EMSY: variants seen among roughly 807,000 people sequenced by gnomAD.
EMSY encodes the protein BRCA2-interacting transcriptional repressor EMSY.
Under a neutral mutation model 134.6 loss-of-function variants are expected in EMSY, and 26 were observed. The observed-to-expected ratio is 0.19, with a 90% CI of 0.14 to 0.27. The LOEUF (loss-of-function observed/expected upper bound fraction) is 0.27, where lower values mean the gene tolerates loss of function less well. Among genes scored for constraint, EMSY ranks in the 10% least tolerant of loss-of-function variants. The pLI is 1.00. For synonymous variants in EMSY, 579 were observed against 577.8 expected (o/e 1.00, Z -0.03); for missense variants, 1,305 against 1,611.4 (o/e 0.81, Z 3.26).
intron 3 of EMSY, among the ~76,000 whole-genome samples, chr11:76,452,465 C>T (rs75564383): frequency 0.011 from 1,709 of 152,218 alleles, 32 homozygotes; most frequent in African/African-American, 0.039. Flanking sequence ...GTTATTAAGC[C>T]AAATTCTCAA....
At chr11:76,516,703 T>C (rs1440157416) in intron 11 of EMSY, 1 of 154,982 alleles carries the variant, frequency 6.5e-6, no homozygotes, top group East Asian at 1.9e-4. Context: ...AGAGATCAAA[T>C]TGACCTGTCC....
intron 9 of EMSY, among the ~76,000 whole-genome samples, chr11:76,510,622 C>T (rs1270848243): frequency 6.6e-6 from 1 of 152,172 alleles, no homozygotes; most frequent in Admixed American, 6.5e-5. Context: ...CTTCAGTATA[C>T]TCAGTGGTAC....
At chr11:76,445,745 A>G (rs1021807210) in intron 1 of EMSY, among the ~76,000 whole-genome samples, 1 of 152,010 alleles carries the variant, frequency 6.6e-6, no homozygotes, top group Non-Finnish European at 1.5e-5. Context: ...GCTCGGTTCG[A>G]GCAGTCGCCG....
At chr11:76,478,728 A>AT (rs1948862097) in intron 8 of EMSY, among the ~76,000 whole-genome samples, 1 of 151,480 alleles carries the variant, frequency 6.6e-6, no homozygotes, top group African/African-American at 2.4e-5. Flanking sequence ...CTTCGTTAAC[A>AT]TTTTTCTATA....
At chr11:76,459,825 T>G in intron 5 of EMSY, 108 bp from the exon 7 acceptor site, 1 of 1,317,460 alleles carries the variant, frequency 7.6e-7, no homozygotes, top group Non-Finnish European at 1.1e-6. Context: ...GCCTCTGACT[T>G]CTGATCACAT....
chr11:76,458,323 C>G (rs1274836722), exon 5 of EMSY: 1 of 1,613,508 alleles, frequency 6.2e-7, no homozygotes, highest in Non-Finnish European at 8.5e-7. Context: ...CATAATGCAT[C>G]TCTTCCAGTG....
chr11:76,519,224 T>C (rs1021130077), intron 11 of EMSY, among the ~76,000 whole-genome samples: 41 of 151,680 alleles, frequency 2.7e-4, no homozygotes, highest in African/African-American at 9.9e-4. Context: ...GCCACCACGC[T>C]CGGCTAATTT....
At chr11:76,510,975 T>C (rs1393428981) in intron 9 of EMSY, among the ~76,000 whole-genome samples, 1 of 152,216 alleles carries the variant, frequency 6.6e-6, no homozygotes, top group Non-Finnish European at 1.5e-5. Flanking sequence ...TTTTCATTTA[T>C]TATTTGCCCT....
chr11:76,484,102 A>G (rs1949087312), intron 8 of EMSY, among the ~76,000 whole-genome samples: 1 of 152,202 alleles, frequency 6.6e-6, no homozygotes, highest in African/African-American at 2.4e-5. Context: ...AACTCACTCA[A>G]ACCTGCACAA....
At chr11:76,463,701 C>T (rs1948232568) in intron 6 of EMSY, 120 bp from the exon 8 acceptor site, 1 of 1,025,622 alleles carries the variant, frequency 9.8e-7, no homozygotes, top group Non-Finnish European at 1.4e-6. Context: ...ATTGATAGAA[C>T]TTATTGGCTA....
chr11:76,518,421 G>A lies in EMSY; in HGVS notation c.1684+2109G>A, dbSNP rs1485189850. ...GAGTTGAAGCGATCTGCCCACCTTG[G>A]CCACCCAAAGTGCTGGGATTACAGG... On this transcript the variant is annotated intron_variant, in intron 11 of 20. Coordinates refer to ENST00000334736, the Ensembl canonical transcript of EMSY. Among the ~76,000 whole-genome samples, 5 of 151,208 alleles carry A rather than the reference G, an allele frequency of 3.3e-5. No individual in the cohort carries two copies. In the East Asian group the frequency reaches 9.7e-4, roughly 29 times the overall value.
At chr11:76,549,970 A>T (rs750608981) in exon 21 of EMSY, 1 of 1,611,682 alleles carries the variant, frequency 6.2e-7, no homozygotes, top group Non-Finnish European at 8.5e-7. Context: ...TCAGTATGCT[A>T]TTCCTTGTCA....
chr11:76,510,309 C>A (rs1565331456), intron 9 of EMSY, among the ~76,000 whole-genome samples: 1 of 152,216 alleles, frequency 6.6e-6, no homozygotes, highest in Admixed American at 6.5e-5. Context: ...ATGATCACAC[C>A]ATTGCACTCT....
At chr11:76,516,362 G>T in intron 11 of EMSY, 50 bp downstream of exon 12, 1 of 1,221,288 alleles carries the variant, frequency 8.2e-7, no homozygotes, top group South Asian at 1.9e-5. Context: ...TCATTGAGAG[G>T]AAAAAAAAAA....
intron 11 of EMSY, among the ~76,000 whole-genome samples, chr11:76,518,019 A>G (rs1203390305): frequency 6.6e-6 from 1 of 151,896 alleles, no homozygotes; most frequent in African/African-American, 2.4e-5. Context: ...TGATACTGGG[A>G]TTATAGGTTA....
intron 8 of EMSY, among the ~76,000 whole-genome samples, chr11:76,490,076 G>A (rs373218232): frequency 9.9e-5 from 15 of 152,130 alleles, no homozygotes; most frequent in African/African-American, 3.4e-4. Context: ...TTATCGGTAG[G>A]ATTGAGTTTA....
chr11:76,552,623 T>G (rs1951862860), downstream of EMSY: 1 of 152,158 alleles, frequency 6.6e-6, no homozygotes, highest in South Asian at 2.1e-4. Context: ...ATGGTGAACT[T>G]AGAGGATTAA....
intron 20 of EMSY, among the ~76,000 whole-genome samples, chr11:76,549,734 A>T (rs959091660): frequency 6.6e-6 from 1 of 152,122 alleles, no homozygotes; most frequent in Non-Finnish European, 1.5e-5. Flanking sequence ...TGGGAATAAT[A>T]ATTTTCTTAT....
intron 11 of EMSY, among the ~76,000 whole-genome samples, chr11:76,522,068 G>A (rs554516831): frequency 8.6e-5 from 13 of 151,984 alleles, no homozygotes; most frequent in Admixed American, 3.3e-4. Flanking sequence ...AAAAAGAGAA[G>A]AAGACAAGGA....
Sources: allele counts gnomAD v4.1 joint callset (sites outside exome capture counted in the v4.1 genomes callset), GRCh38; gene constraint gnomAD v4.1.1; transcripts MANE v1.5; gene names NCBI Gene and HGNC (gene_info 2026-07-23, HGNC 2026-07-21).